CFAP20DC: variants seen among roughly 807,000 people sequenced by gnomAD.
CFAP20DC encodes the protein CFAP20 domain containing.
CFAP20DC carries 84 observed loss-of-function variants against 101.7 expected under a neutral mutation model. The observed-to-expected ratio is 0.83, with a 90% CI of 0.69 to 0.99. The LOEUF (loss-of-function observed/expected upper bound fraction) is 0.99. Among genes scored for constraint, CFAP20DC ranks in the 50% least tolerant of loss-of-function variants. The pLI, the probability that CFAP20DC is intolerant of heterozygous loss-of-function variation, is 0.00. For synonymous variants in CFAP20DC, 359 were observed against 351.2 expected, an observed-to-expected ratio of 1.02 and a Z score of -0.25; for missense variants, 1,007 against 970.3, an observed-to-expected ratio of 1.04 and a Z score of -0.50.
At position 58,717,723 on chromosome 3, in the gene CFAP20DC, A is replaced by G; in HGVS notation, c.198-95T>C. 2.7e-6 allele frequency: 1 copy of G among 373,308 alleles called. No homozygotes were observed. Among genetic ancestry groups the G allele is most frequent in the South Asian group, 2.0e-5 (1 of 50,730 alleles). The allele number at this position is 373,308 out of a possible 1,614,324, so 23.1% of individuals were successfully genotyped here. A position where few individuals can be genotyped will look rare whatever the true frequency, so the allele number is the denominator to read the frequency against. ...TCTGTCCATTGTTATCAGGAAAACA[A>G]TGCTTTTTCTGGAAGTCTCATCCTG... On this transcript the variant is annotated intron_variant, in intron 3 of 3. Transcript: ENST00000486145. The surrounding 1 kb of genome is among the most constrained non-coding windows in gnomAD (Gnocchi z 4.1).
intron 15 of CFAP20DC, among the ~76,000 whole-genome samples, chr3:58,803,520 A>C (rs905430186): frequency 6.6e-6 from 1 of 152,246 alleles, no homozygotes; most frequent in African/African-American, 2.4e-5. Context: ...TCTTAAGAAG[A>C]ATCAGAACTT....
chr3:59,031,735 G>T (rs1243567523), intron 4 of CFAP20DC, among the ~76,000 whole-genome samples: 1 of 152,096 alleles, frequency 6.6e-6, no homozygotes, highest in African/African-American at 2.4e-5. Flanking sequence ...AAATTCATAT[G>T]TTAACAACAT....
intron 6 of CFAP20DC, among the ~76,000 whole-genome samples, chr3:58,903,635 C>T (rs115414781): frequency 0.01 from 1,529 of 152,194 alleles, 28 homozygotes; most frequent in African/African-American, 0.035. Context: ...AAGTGCTGAG[C>T]AAAGAGGGGA....
intron 14 of CFAP20DC, among the ~76,000 whole-genome samples, chr3:58,809,986 T>C (rs1009446398): frequency 1.3e-5 from 2 of 152,028 alleles, no homozygotes; most frequent in Non-Finnish European, 2.9e-5. Context: ...ACATACACCA[T>C]CCCACGACTA....
At chr3:58,759,573 C>T in intron 15 of CFAP20DC, among the ~76,000 whole-genome samples, 1 of 152,136 alleles carries the variant, frequency 6.6e-6, no homozygotes, top group Non-Finnish European at 1.5e-5. Context: ...CTTTTGTTGC[C>T]ACTGATTTTG....
At chr3:58,951,461 T>C (rs975415585) in intron 4 of CFAP20DC, among the ~76,000 whole-genome samples, 9 of 152,222 alleles carry the variant, frequency 5.9e-5, no homozygotes, top group Non-Finnish European at 1.3e-4. Context: ...TGCACACGTA[T>C]GTTTATTGCA....
chr3:58,807,962 C>A (rs1000961553), intron 14 of CFAP20DC, among the ~76,000 whole-genome samples: 1 of 151,952 alleles, frequency 6.6e-6, no homozygotes, highest in Non-Finnish European at 1.5e-5. Context: ...GAAAGGGTAT[C>A]AGTGATGGAA....
At chr3:58,842,261 A>C (rs1386449160) in intron 13 of CFAP20DC, among the ~76,000 whole-genome samples, 3 of 152,190 alleles carry the variant, frequency 2.0e-5, no homozygotes, top group Non-Finnish European at 4.4e-5. Context: ...TACCGGGTTC[A>C]TCTCACTAGG....
At chr3:59,027,818 G>C (rs2093919882) in intron 4 of CFAP20DC, among the ~76,000 whole-genome samples, 2 of 152,136 alleles carry the variant, frequency 1.3e-5, no homozygotes, top group Admixed American at 1.3e-4. Flanking sequence ...ACCACACAGG[G>C]AAGCCACGGG....
intron 3 of CFAP20DC, chr3:58,734,578 A>G (rs2067708639): frequency 4.4e-6 from 2 of 456,604 alleles, no homozygotes; most frequent in Non-Finnish European, 8.8e-6. Context: ...TTTAGAAAAA[A>G]AACAAACTCA....
chr3:58,853,637 T>A (rs1448100085), intron 12 of CFAP20DC, among the ~76,000 whole-genome samples: 6 of 152,214 alleles, frequency 3.9e-5, no homozygotes, highest in Admixed American at 6.5e-5. Context: ...TTATCCACCA[T>A]GATCAAGTGG....
intron 4 of CFAP20DC, among the ~76,000 whole-genome samples, chr3:58,966,878 G>C (rs1179956093): frequency 3.9e-5 from 6 of 152,018 alleles, no homozygotes; most frequent in Non-Finnish European, 1.5e-5. Context: ...CCATGTTAAT[G>C]GACTGGAAGA....
intron 15 of CFAP20DC, among the ~76,000 whole-genome samples, chr3:58,790,008 C>T (rs563219720): frequency 2.0e-5 from 3 of 152,158 alleles, no homozygotes; most frequent in Non-Finnish European, 2.9e-5. Context: ...AAGAATTATA[C>T]CAATTATCCT....
intron 15 of CFAP20DC, among the ~76,000 whole-genome samples, chr3:58,772,944 G>C (rs1156661363): frequency 6.6e-6 from 1 of 152,024 alleles, no homozygotes; most frequent in African/African-American, 2.4e-5. Flanking sequence ...TAGAAATGTA[G>C]GGTTGGGCAT....
chr3:58,857,324 G>A (rs2078917084), intron 12 of CFAP20DC, among the ~76,000 whole-genome samples: 1 of 152,168 alleles, frequency 6.6e-6, no homozygotes, highest in African/African-American at 2.4e-5. Context: ...ATGGGTCAGA[G>A]TACAGCCTTT....
At chr3:58,980,722 A>G (rs2092499618) in intron 4 of CFAP20DC, among the ~76,000 whole-genome samples, 1 of 152,234 alleles carries the variant, frequency 6.6e-6, no homozygotes, top group African/African-American at 2.4e-5. Flanking sequence ...AATAAGAGCC[A>G]TCTATGACAA....
intron 15 of CFAP20DC, among the ~76,000 whole-genome samples, chr3:58,764,025 A>C (rs566941537): frequency 8.5e-5 from 13 of 152,256 alleles, no homozygotes; most frequent in Non-Finnish European, 1.6e-4. Context: ...TCAGATCTCA[A>C]GCTGCATGCT....
intron 14 of CFAP20DC, among the ~76,000 whole-genome samples, chr3:58,817,701 G>C (rs2075302264): frequency 6.7e-6 from 1 of 150,286 alleles, no homozygotes. Context: ...ATGGAACCAA[G>C]TTGGAAAACA....
intron 5 of CFAP20DC, among the ~76,000 whole-genome samples, chr3:58,934,000 A>C (rs1191234737): frequency 2.6e-5 from 4 of 152,182 alleles, no homozygotes; most frequent in South Asian, 4.1e-4. Context: ...TTTTGAAAGG[A>C]TCAACAAAAT....
Sources: gnomAD v4.1 joint callset for allele counts (sites outside exome capture counted in the v4.1 genomes callset) on GRCh38, gnomAD v4.1.1 for gene constraint, Gnocchi (gnomAD v3.1) non-coding constraint, MANE v1.5 for transcripts, NCBI Gene and HGNC (gene_info 2026-07-23, HGNC 2026-07-21) for gene names.